Variants in GET1 observed in about 807,000 individuals in gnomAD.
GET1 encodes the protein guided entry of tail-anchored proteins factor 1.
In GET1, 20 loss-of-function variants were observed where a neutral mutation model predicts 22.6. That is an observed-to-expected ratio of 0.89 (90% CI 0.62 to 1.29). The LOEUF (loss-of-function observed/expected upper bound fraction) is 1.29. Ranked by LOEUF, GET1 falls within the 50% of genes most tolerant of loss-of-function variation. GET1 has a pLI of 0.00. For missense variants in GET1, 209 were observed against 219.9 expected (o/e 0.95, Z 0.31); for synonymous variants, 92 against 83.8 (o/e 1.10, Z -0.53).
Position 39,397,247 on chromosome 21 carries a change from G to A in GET1, c.*308G>A. 3.8e-6 allele frequency: 1 copy of A among 261,578 alleles called. No individual in the cohort carries two copies. Among genetic ancestry groups the A allele is most frequent in the Non-Finnish European group, 7.2e-6 (1 of 139,106 alleles). 16.2% of individuals were successfully genotyped at this position (261,578 alleles called of 1,614,324 possible). A position where few individuals can be genotyped will look rare whatever the true frequency, so the allele number is the denominator to read the frequency against. On this transcript the variant is annotated 3_prime_UTR_variant, in exon 5 of 5. Coordinates refer to ENST00000649170, the MANE Select transcript of GET1 (RefSeq NM_004627.6). ...TGTCACTTGTGATTTGCCCTCTTAT[G>A]TATTTTGGTCATATTGCCAACTGGA...
At chr21:39,384,238 TTTG>T (rs922829805) in intron 1 of GET1, among the ~76,000 whole-genome samples, 2 of 151,732 alleles carry the variant, frequency 1.3e-5, no homozygotes, top group Non-Finnish European at 2.9e-5. Flanking sequence ...TTGAGTTCCT[TTTG>T]TTGTTGTTAT....
intron 1 of GET1, 156 bp downstream of exon 1, chr21:39,380,642 AAAAGGTACG>A: frequency 1.4e-6 from 2 of 1,439,644 alleles, no homozygotes; most frequent in Non-Finnish European, 1.8e-6. Context: ...GTTAGCGTCT[AAAAGGTACG>A]ACGCTTTACC....
At chr21:39,395,853 C>T (rs1262404644) in intron 4 of GET1, among the ~76,000 whole-genome samples, 3 of 152,222 alleles carry the variant, frequency 2.0e-5, no homozygotes. Flanking sequence ...GCCTGTCTTC[C>T]TGGACAGGGG....
downstream of GET1, chr21:39,411,606 T>TA (rs1256240756): frequency 1.9e-6 from 1 of 517,976 alleles, no homozygotes; most frequent in Non-Finnish European, 3.5e-6. Context: ...AAATGTATTT[T>TA]AATGCCTAAT....
intron 1 of GET1, chr21:39,423,141 T>C: frequency 1.9e-6 from 3 of 1,613,868 alleles, no homozygotes; most frequent in East Asian, 4.5e-5. Flanking sequence ...GTTTCCTAGA[T>C]AGAGTTCTTT....
intron 2 of GET1, 181 bp from the exon 3 acceptor site, chr21:39,391,588 A>C (rs2038301346): frequency 1.7e-6 from 1 of 602,800 alleles, no homozygotes. Context: ...ATTTTAAATA[A>C]TGGCATAATG....
chr21:39,422,448 T>G (rs1218314964), intron 1 of GET1: 1 of 154,048 alleles, frequency 6.5e-6, no homozygotes, highest in African/African-American at 2.4e-5. Flanking sequence ...CCTTCCCTAC[T>G]ACCCAGGAAC....
chr21:39,404,548 C>G (rs528690510), intron 4 of GET1, among the ~76,000 whole-genome samples: 25 of 152,150 alleles, frequency 1.6e-4, no homozygotes, highest in African/African-American at 5.8e-4. Flanking sequence ...AGTTCAAGAC[C>G]AGCCTGGCTA....
intron 1 of GET1, among the ~76,000 whole-genome samples, chr21:39,383,234 T>A (rs551695245): frequency 9.4e-5 from 14 of 148,192 alleles, no homozygotes; most frequent in African/African-American, 1.2e-4. Context: ...GATTACAGGC[T>A]TGTGCCACCG....
intron 1 of GET1, chr21:39,423,186 A>T (rs773465740): frequency 9.9e-6 from 16 of 1,613,032 alleles, no homozygotes; most frequent in African/African-American, 1.3e-5. Context: ...GTTGCCTTAA[A>T]TTTTTTACTT....
At position 39,419,425 on chromosome 21, in the gene GET1, C is replaced by T. The variant is rs975307551; in HGVS notation, c.*23+8488C>T. ...CTGTGATCCCAGCTACTTGGGAGGC[C>T]GAGGTGGGAAGATCACTTTAGCCCA... On this transcript the variant is annotated intron_variant, in intron 1 of 1. Transcript: ENST00000478273. Among the ~76,000 whole-genome samples, 12 of 148,724 alleles carry T rather than the reference C, an allele frequency of 8.1e-5. No homozygotes were observed. The South Asian group carries it at 1.9e-3, about 24-fold the overall frequency.
intron 1 of GET1, among the ~76,000 whole-genome samples, chr21:39,416,413 T>C (rs544181908): frequency 1.3e-5 from 2 of 152,368 alleles, no homozygotes; most frequent in South Asian, 4.1e-4. Flanking sequence ...ACTACCCTAA[T>C]GGTCCTTAAT....
downstream of GET1, chr21:39,410,727 A>T (rs985406509): frequency 5.4e-5 from 23 of 422,424 alleles, no homozygotes; most frequent in Non-Finnish European, 1.1e-4. Flanking sequence ...ATCAGTGGTT[A>T]GACTGTCCAT....
chr21:39,410,810 C>T (rs758533923), downstream of GET1: 1 of 470,778 alleles, frequency 2.1e-6, no homozygotes, highest in African/African-American at 2.0e-5. Context: ...ATTTAAACAA[C>T]CCCTCGGTTG....
intron 1 of GET1, among the ~76,000 whole-genome samples, chr21:39,421,100 CGT>C (rs1491219585): frequency 3.4e-5 from 5 of 147,238 alleles, no homozygotes; most frequent in African/African-American, 7.6e-5. Flanking sequence ...TTTAACAATT[CGT>C]TTTTTTTTTT....
intron 4 of GET1, among the ~76,000 whole-genome samples, chr21:39,404,281 T>C (rs2038931595): frequency 6.6e-6 from 1 of 152,178 alleles, no homozygotes; most frequent in Admixed American, 6.6e-5. Context: ...AGCAGGGCCA[T>C]GGTACTGTTT....
At chr21:39,380,543 C>T (rs1022428941) in intron 1 of GET1, 57 bp downstream of exon 1, 12 of 1,568,468 alleles carry the variant, frequency 7.7e-6, no homozygotes, top group East Asian at 2.3e-5. Context: ...AGTCCCCCGG[C>T]GGGTCTGGCG....
intron 1 of GET1, chr21:39,387,910 T>A: frequency 2.3e-6 from 2 of 871,726 alleles, no homozygotes; most frequent in African/African-American, 1.8e-5. Flanking sequence ...CAGGCACACT[T>A]TAGATACACT....
intron 1 of GET1, chr21:39,387,721 G>A (rs1363383252): frequency 1.1e-6 from 1 of 931,960 alleles, no homozygotes; most frequent in East Asian, 1.2e-4. Context: ...TCATCACGCA[G>A]GCGCTGGTAG....
Sources: gnomAD v4.1 joint callset for allele counts (sites outside exome capture counted in the v4.1 genomes callset) on GRCh38, gnomAD v4.1.1 for gene constraint, MANE v1.5 for transcripts, NCBI Gene and HGNC (gene_info 2026-07-23, HGNC 2026-07-21) for gene names.